The following SAMTOR variants were observed in gnomAD, a reference collection of about 807,000 sequenced individuals.
SAMTOR encodes S-adenosylmethionine sensor upstream of mTORC1, also known as UPF0532 protein C7orf60.
the SAMTOR span, among the ~76,000 whole-genome samples, chr7:112,932,256 A>G: frequency 6.6e-6 from 1 of 152,088 alleles, no homozygotes. Flanking sequence ...CAACATACAG[A>G]GAGACATACA....
At chr7:112,845,463 C>T in the SAMTOR span, among the ~76,000 whole-genome samples, 17 of 152,074 alleles carry the variant, frequency 1.1e-4, no homozygotes, top group African/African-American at 3.6e-4. Flanking sequence ...AATACATACA[C>T]GTGGCCAACA....
the SAMTOR span, among the ~76,000 whole-genome samples, chr7:112,935,742 G>T: frequency 0.013 from 1,963 of 152,060 alleles, 18 homozygotes; most frequent in Non-Finnish European, 0.023. Context: ...AAAACGAAAT[G>T]GAATGAAAAG....
chr7:112,895,618 C>G, the SAMTOR span: 1 of 1,581,068 alleles, frequency 6.3e-7, no homozygotes. Context: ...AAATGACCTT[C>G]AAGTTGAGAA....
chr7:112,927,275 CACTT>C, the SAMTOR span, among the ~76,000 whole-genome samples: 3 of 151,892 alleles, frequency 2.0e-5, no homozygotes, highest in Non-Finnish European at 4.4e-5. Context: ...ATTTTTTTAT[CACTT>C]AGTTATTAGG....
the SAMTOR span, among the ~76,000 whole-genome samples, chr7:112,893,150 G>A: frequency 6.6e-6 from 1 of 152,132 alleles, no homozygotes; most frequent in African/African-American, 2.4e-5. Context: ...AGCTGCATTA[G>A]CCCCTAACAA....
the SAMTOR span, among the ~76,000 whole-genome samples, chr7:112,916,874 G>A: frequency 2.7e-3 from 415 of 152,322 alleles, 3 homozygotes; most frequent in African/African-American, 8.8e-3. Context: ...ACTGCAAGGC[G>A]GCAGCGAGAC....
At chr7:112,857,414 C>A in the SAMTOR span, among the ~76,000 whole-genome samples, 2 of 151,850 alleles carry the variant, frequency 1.3e-5, no homozygotes, top group Non-Finnish European at 2.9e-5. Flanking sequence ...CTTTACAGCA[C>A]TAAAATAAAA....
chr7:112,829,076 A>AT, the SAMTOR span, among the ~76,000 whole-genome samples: 1 of 151,962 alleles, frequency 6.6e-6, no homozygotes, highest in Non-Finnish European at 1.5e-5. Context: ...GTTTTTGGCC[A>AT]TTTTTTCAAA....
At chr7:112,828,578 C>T in the SAMTOR span, among the ~76,000 whole-genome samples, 9 of 152,166 alleles carry the variant, frequency 5.9e-5, no homozygotes, top group African/African-American at 1.2e-4. Flanking sequence ...CAAATAAAGT[C>T]ACATCTTTAG....
the SAMTOR span, among the ~76,000 whole-genome samples, chr7:112,909,538 A>C: frequency 2.6e-5 from 4 of 152,314 alleles, no homozygotes; most frequent in African/African-American, 9.6e-5. Context: ...AACTGTTTCA[A>C]GCAACTTTTA....
At chr7:112,896,424 G>A in the SAMTOR span, among the ~76,000 whole-genome samples, 1 of 152,074 alleles carries the variant, frequency 6.6e-6, no homozygotes, top group Non-Finnish European at 1.5e-5. Context: ...ATGCAAAACT[G>A]GTTTCAGCAA....
the SAMTOR span, among the ~76,000 whole-genome samples, chr7:112,911,535 C>G: frequency 6.6e-6 from 1 of 151,952 alleles, no homozygotes; most frequent in Non-Finnish European, 1.5e-5. Flanking sequence ...AGAATTATCA[C>G]ACATAAAGCA....
chr7:112,822,035 T>C, the SAMTOR span: 13 of 1,613,724 alleles, frequency 8.1e-6, no homozygotes, highest in Non-Finnish European at 1.1e-5. Context: ...TATGTGAAAA[T>C]TTTGAGTACT....
chr7:112,859,937 G>C, the SAMTOR span, among the ~76,000 whole-genome samples: 1 of 152,102 alleles, frequency 6.6e-6, no homozygotes, highest in Non-Finnish European at 1.5e-5. Flanking sequence ...GTCTATAGTA[G>C]TATACAGTAA....
chr7:112,862,299 T>C, the SAMTOR span, among the ~76,000 whole-genome samples: 1 of 152,156 alleles, frequency 6.6e-6, no homozygotes, highest in African/African-American at 2.4e-5. Context: ...AGAGATCTTC[T>C]AGGGGTAAAA....
the SAMTOR span, among the ~76,000 whole-genome samples, chr7:112,870,704 A>G: frequency 6.6e-6 from 1 of 151,936 alleles, no homozygotes; most frequent in Non-Finnish European, 1.5e-5. Flanking sequence ...CTTGAATGTA[A>G]CTGACCTAAA....
the SAMTOR span, chr7:112,939,790 G>A: frequency 1.3e-6 from 2 of 1,506,270 alleles, no homozygotes; most frequent in South Asian, 1.2e-5. Context: ...TCAGGCCCCC[G>A]CAGACGCTCC....
the SAMTOR span, among the ~76,000 whole-genome samples, chr7:112,936,420 C>A: frequency 1.3e-5 from 2 of 152,130 alleles, no homozygotes; most frequent in Non-Finnish European, 2.9e-5. Context: ...AGGCCATAAA[C>A]TGGGGAAGGA....
At chr7:112,922,708 C>T in the SAMTOR span, among the ~76,000 whole-genome samples, 7 of 151,204 alleles carry the variant, frequency 4.6e-5, no homozygotes, top group East Asian at 1.4e-3. Flanking sequence ...AGTGAGGAGC[C>T]CCTCCGCCCG....
Sources: gnomAD v4.1 joint callset for allele counts (sites outside exome capture counted in the v4.1 genomes callset) on GRCh38, gnomAD v4.1.1 for gene constraint, MANE v1.5 for transcripts, NCBI Gene and HGNC (gene_info 2026-07-23, HGNC 2026-07-21) for gene names.